SRGAP2: variants seen among roughly 807,000 people sequenced by gnomAD.
SRGAP2 encodes SLIT-ROBO Rho GTPase-activating protein 2.
SRGAP2 carries 15 observed loss-of-function variants against 57.2 expected under a neutral mutation model. The ratio of observed to expected loss-of-function variants is 0.26; its 90% CI spans 0.18 to 0.40. The LOEUF is 0.40. SRGAP2 is among the 10% of genes least tolerant of loss of function. SRGAP2 has a pLI of 1.00. For synonymous variants in SRGAP2, 249 were observed against 248.0 expected (o/e 1.00, Z -0.04); for missense variants, 520 against 669.6 (o/e 0.78, Z 2.47).
chr1:206,399,596 C>T (rs200989440), intron 7 of SRGAP2, among the ~76,000 whole-genome samples: 1 of 150,806 alleles, frequency 6.6e-6, no homozygotes, highest in Non-Finnish European at 1.5e-5. Flanking sequence ...GGGAAATTAC[C>T]AAAAACAGGT....
intron 13 of SRGAP2, among the ~76,000 whole-genome samples, chr1:206,428,806 G>A (rs566281575): frequency 6.6e-6 from 1 of 152,246 alleles, no homozygotes; most frequent in South Asian, 2.1e-4. Context: ...GGGACCACAG[G>A]TGTGCAACAC....
At chr1:206,285,397 G>T (rs2102700074) in intron 2 of SRGAP2, among the ~76,000 whole-genome samples, 1 of 152,272 alleles carries the variant, frequency 6.6e-6, no homozygotes, top group East Asian at 1.9e-4. Flanking sequence ...ACAGGGAATG[G>T]TCCTTTTGCT....
intron 4 of SRGAP2, among the ~76,000 whole-genome samples, chr1:206,349,510 CAAAAA>C (rs1217837762): frequency 7.9e-6 from 1 of 127,116 alleles, no homozygotes; most frequent in African/African-American, 2.8e-5. Context: ...ATGCCTCCCT[CAAAAA>C]AAAAAAAAAA....
At chr1:206,447,864 C>T (rs1440800634) in intron 18 of SRGAP2, among the ~76,000 whole-genome samples, 2 of 152,176 alleles carry the variant, frequency 1.3e-5, no homozygotes, top group Admixed American at 6.5e-5. Context: ...GTGTGGCTCA[C>T]GGGGACAGGT....
At chr1:206,420,528 C>A (rs1283378279) in intron 12 of SRGAP2, among the ~76,000 whole-genome samples, 2 of 152,170 alleles carry the variant, frequency 1.3e-5, no homozygotes, top group Non-Finnish European at 2.9e-5. Flanking sequence ...GACCAGAGCA[C>A]TCCACTAGAT....
In SRGAP2 at chr1:206,454,798, G is replaced by A. The variant is rs1370997498; in HGVS notation, c.2361-80G>A. On this transcript the variant is annotated intron_variant, in intron 20 of 22. Coordinates refer to ENST00000573034, the MANE Select transcript of SRGAP2 (RefSeq NM_015326.5). The surrounding 1 kb of genome is among the most constrained non-coding windows in gnomAD (Gnocchi z 4.3). Reference sequence around the variant, plus strand: ...TGTGGGGTCGCGTGTATGTCGGGGGGCCATCTTGCCGATTTAACGCTGCTT... The same window carrying A: ...TGTGGGGTCGCGTGTATGTCGGGGGACCATCTTGCCGATTTAACGCTGCTT... 6.0e-6 allele frequency: 4 copies of A among 671,882 alleles called. No homozygotes were observed. The highest frequency in any genetic ancestry group is 1.8e-5 in the African/African-American group (1 of 56,318). The allele number at this position is 671,882 out of a possible 1,614,324, so 41.6% of individuals were successfully genotyped here.
chr1:206,360,007 C>T (rs111619686), intron 4 of SRGAP2, among the ~76,000 whole-genome samples: 70,242 of 150,156 alleles, frequency 0.47, 16,756 homozygotes, highest in East Asian at 0.71. Context: ...GGGGTTTCAC[C>T]GTTTTAGCCA....
intron 13 of SRGAP2, among the ~76,000 whole-genome samples, chr1:206,424,885 G>A (rs35254433): frequency 1.3e-5 from 2 of 152,250 alleles, no homozygotes; most frequent in Non-Finnish European, 2.9e-5. Flanking sequence ...CACTGGAGCA[G>A]TGGGGACTAG....
chr1:206,459,299 G>A (rs781831167), intron 22 of SRGAP2, among the ~76,000 whole-genome samples: 1 of 151,968 alleles, frequency 6.6e-6, no homozygotes, highest in Non-Finnish European at 1.5e-5. Context: ...CTGCCCGACT[G>A]TTGAGGATCA....
At chr1:206,450,287 T>C in intron 18 of SRGAP2, 99 bp from the exon 19 acceptor site, 1 of 697,010 alleles carries the variant, frequency 1.4e-6, no homozygotes, top group Non-Finnish European at 2.7e-6. Flanking sequence ...GAGCATAAGA[T>C]GGATTCAGTG....
chr1:206,259,523 G>A (rs1213905713), intron 2 of SRGAP2, among the ~76,000 whole-genome samples: 1 of 151,216 alleles, frequency 6.6e-6, no homozygotes, highest in Non-Finnish European at 1.5e-5. Context: ...TTTTTGTAGA[G>A]ACAGGGTCTC....
chr1:206,373,099 C>T (rs1452743133), intron 4 of SRGAP2, among the ~76,000 whole-genome samples: 142 of 66,264 alleles, frequency 2.1e-3, no homozygotes, highest in South Asian at 2.9e-3. Context: ...CTTTTTTTTT[C>T]TTTTTTTTTT....
chr1:206,211,001 C>T (rs1249108380), intron 2 of SRGAP2, among the ~76,000 whole-genome samples: 1 of 152,072 alleles, frequency 6.6e-6, no homozygotes, highest in African/African-American at 2.4e-5. Flanking sequence ...ATTGAAAGAC[C>T]CTAGAGGAAG....
chr1:206,304,103 A>G (rs1167919906), intron 3 of SRGAP2, among the ~76,000 whole-genome samples: 3 of 152,080 alleles, frequency 2.0e-5, no homozygotes, highest in Non-Finnish European at 4.4e-5. Flanking sequence ...TTCTACATTT[A>G]GTTTATTTTA....
chr1:206,389,337 G>C (rs1656677499), intron 5 of SRGAP2, among the ~76,000 whole-genome samples: 1 of 151,550 alleles, frequency 6.6e-6, no homozygotes, highest in Non-Finnish European at 1.5e-5. Flanking sequence ...ACCACGCCCA[G>C]TTAATTTATT....
intron 19 of SRGAP2, among the ~76,000 whole-genome samples, chr1:206,451,142 A>C (rs1663257225): frequency 6.9e-6 from 1 of 145,634 alleles, no homozygotes; most frequent in African/African-American, 2.6e-5. Flanking sequence ...AAAAAAAAGT[A>C]AGCCTGGGGT....
chr1:206,411,036 A>C (rs938959781), intron 10 of SRGAP2, among the ~76,000 whole-genome samples: 1 of 152,050 alleles, frequency 6.6e-6, no homozygotes, highest in South Asian at 2.1e-4. Flanking sequence ...AATTTTTTGT[A>C]TTTTTAGTAG....
chr1:206,456,684 G>A (rs1553378588), intron 21 of SRGAP2, among the ~76,000 whole-genome samples: 1 of 152,216 alleles, frequency 6.6e-6, no homozygotes, highest in Non-Finnish European at 1.5e-5. Context: ...GGTGTCAGGA[G>A]TCTTGGGATG....
chr1:206,298,734 AG>A (rs1433045329), intron 2 of SRGAP2, among the ~76,000 whole-genome samples: 1 of 152,138 alleles, frequency 6.6e-6, no homozygotes, highest in East Asian at 1.9e-4. Context: ...TTTTTATTCA[AG>A]TGTCATTTTT....
Sources: gnomAD v4.1 joint callset for allele counts (sites outside exome capture counted in the v4.1 genomes callset) on GRCh38, gnomAD v4.1.1 for gene constraint, Gnocchi (gnomAD v3.1) non-coding constraint, MANE v1.5 for transcripts, NCBI Gene and HGNC (gene_info 2026-07-23, HGNC 2026-07-21) for gene names.